The following ADCY8 variants were observed in gnomAD, a reference collection of about 807,000 sequenced individuals.
The protein encoded by ADCY8 is adenylate cyclase 8, also known as adenylate cyclase type 8.
Under a neutral mutation model 119.7 loss-of-function variants are expected in ADCY8, and 51 were observed. The observed-to-expected ratio is 0.43, with a 90% confidence interval of 0.34 to 0.54. The LOEUF is 0.54. ADCY8 is among the 20% of genes least tolerant of loss of function. ADCY8 has a pLI of 0.03. For synonymous variants in ADCY8, 665 were observed against 651.0 expected (o/e 1.02, Z -0.33); for missense variants, 1,383 against 1,598.8 (o/e 0.87, Z 2.30).
chr8:131,037,061 G>A (rs1449412602), intron 1 of ADCY8, among the ~76,000 whole-genome samples: 2 of 152,106 alleles, frequency 1.3e-5, no homozygotes, highest in African/African-American at 4.8e-5. Flanking sequence ...GTCCATCTGC[G>A]CGATCTAGGA....
At chr8:130,963,498 A>G (rs566326438) in intron 2 of ADCY8, among the ~76,000 whole-genome samples, 58 of 152,274 alleles carry the variant, frequency 3.8e-4, no homozygotes, top group Middle Eastern at 6.8e-3. Flanking sequence ...GTATTCAACA[A>G]ATTTTTTATT....
At chr8:130,793,185 C>A (rs951306576) in intron 15 of ADCY8, among the ~76,000 whole-genome samples, 1 of 152,138 alleles carries the variant, frequency 6.6e-6, no homozygotes, top group African/African-American at 2.4e-5. Flanking sequence ...TGCCGCCATG[C>A]CCCCCAAGCT....
At chr8:130,906,436 AG>A (rs1428088757) in intron 6 of ADCY8, among the ~76,000 whole-genome samples, 5 of 152,228 alleles carry the variant, frequency 3.3e-5, no homozygotes, top group Admixed American at 6.5e-5. Context: ...TCAGTATGCA[AG>A]GGGACAAATA....
At chr8:130,952,222 C>T (rs774354314) in intron 2 of ADCY8, among the ~76,000 whole-genome samples, 9 of 152,166 alleles carry the variant, frequency 5.9e-5, no homozygotes, top group Non-Finnish European at 1.0e-4. Flanking sequence ...GTGGTTCTGA[C>T]TCTGGTGGAG....
At chr8:130,930,278 G>A (rs1460660718) in intron 5 of ADCY8, among the ~76,000 whole-genome samples, 7 of 149,554 alleles carry the variant, frequency 4.7e-5, no homozygotes, top group East Asian at 3.9e-4. Context: ...TTGAGATGGA[G>A]TCTCGTTCTG....
At chr8:131,030,922 C>T (rs540097541) in intron 1 of ADCY8, among the ~76,000 whole-genome samples, 2 of 152,292 alleles carry the variant, frequency 1.3e-5, no homozygotes, top group East Asian at 1.9e-4. Context: ...ATTCAGTTGG[C>T]TTATGCCCTT....
chr8:130,784,488 G>A (rs1354205400), intron 16 of ADCY8, among the ~76,000 whole-genome samples: 4 of 152,168 alleles, frequency 2.6e-5, no homozygotes, highest in African/African-American at 9.7e-5. Flanking sequence ...GTAGAACAGA[G>A]GTTAGCAAAC....
chr8:130,924,475 C>T (rs939192184), intron 5 of ADCY8, among the ~76,000 whole-genome samples: 4 of 152,158 alleles, frequency 2.6e-5, no homozygotes, highest in South Asian at 2.1e-4. Context: ...GCTGTATAAA[C>T]AGCATACTTT....
chr8:130,967,865 G>A (rs1455661682), intron 2 of ADCY8, among the ~76,000 whole-genome samples: 1 of 152,094 alleles, frequency 6.6e-6, no homozygotes, highest in Non-Finnish European at 1.5e-5. Context: ...AATGCATAAG[G>A]CAGGCCAAGG....
chr8:130,884,054 T>TC (rs11407452), intron 8 of ADCY8, among the ~76,000 whole-genome samples: 104,200 of 151,878 alleles, frequency 0.69, 35,889 homozygotes, highest in East Asian at 0.85. Flanking sequence ...CCACAACCCA[T>TC]TTCTTTCTAC....
intron 11 of ADCY8, among the ~76,000 whole-genome samples, chr8:130,840,200 A>C (rs1274029956): frequency 7.2e-6 from 1 of 138,590 alleles, no homozygotes; most frequent in African/African-American, 2.5e-5. Context: ...TGATTCAGGA[A>C]GGATGTTTAG....
chr8:130,992,375 T>TGCCTGGCAC (rs1488993043), intron 1 of ADCY8, among the ~76,000 whole-genome samples: 428 of 36,266 alleles, frequency 0.012, 55 homozygotes, highest in African/African-American at 0.05. Context: ...TGAGCAACTG[T>TGCCTGGCAC]ATCTGGCATA....
intron 4 of ADCY8, among the ~76,000 whole-genome samples, chr8:130,942,406 T>C (rs12334868): frequency 0.24 from 37,063 of 152,110 alleles, 4,609 homozygotes; most frequent in Admixed American, 0.27. Flanking sequence ...TCATAACACA[T>C]GGCACATTTT....
chr8:130,850,917 A>G (rs922243146), intron 9 of ADCY8, among the ~76,000 whole-genome samples: 4 of 152,188 alleles, frequency 2.6e-5, no homozygotes, highest in Non-Finnish European at 5.9e-5. Context: ...TCTAATTTCC[A>G]TTCCTTAGAA....
intron 2 of ADCY8, among the ~76,000 whole-genome samples, chr8:130,970,026 G>T (rs112660885): frequency 0.017 from 2,636 of 152,302 alleles, 77 homozygotes; most frequent in African/African-American, 0.059. Context: ...CAGGGACAAT[G>T]ACACCTTTGT....
chr8:130,804,051 G>A (rs141407951), intron 14 of ADCY8, among the ~76,000 whole-genome samples: 46 of 152,292 alleles, frequency 3.0e-4, no homozygotes, highest in East Asian at 1.2e-3. Context: ...GTGATGCCAC[G>A]AAGGAGCCTG....
At chr8:130,994,773 C>A (rs11995918) in intron 1 of ADCY8, among the ~76,000 whole-genome samples, 14,004 of 152,136 alleles carry the variant, frequency 0.092, 1,935 homozygotes, top group African/African-American at 0.3. Context: ...TTGATAGTTC[C>A]TTTATTTTTA....
intron 1 of ADCY8, among the ~76,000 whole-genome samples, chr8:131,006,506 T>C (rs1483400439): frequency 6.6e-6 from 1 of 152,206 alleles, no homozygotes; most frequent in Non-Finnish European, 1.5e-5. Flanking sequence ...TTTTTCCCCA[T>C]GACTTACTAT....
intron 14 of ADCY8, among the ~76,000 whole-genome samples, chr8:130,808,644 C>A (rs542335345): frequency 1.3e-5 from 2 of 152,170 alleles, no homozygotes; most frequent in Non-Finnish European, 2.9e-5. Context: ...CACCTACACA[C>A]GGCCTTTCTA....
Sources: gnomAD v4.1 joint callset for allele counts (sites outside exome capture counted in the v4.1 genomes callset) on GRCh38, gnomAD v4.1.1 for gene constraint, MANE v1.5 for transcripts, NCBI Gene and HGNC (gene_info 2026-07-23, HGNC 2026-07-21) for gene names.